Variants in BRAF observed in about 807,000 individuals in gnomAD.
BRAF encodes the protein serine/threonine-protein kinase B-raf.
In BRAF, 16 loss-of-function variants were observed where a neutral mutation model predicts 104.6. The ratio of observed to expected loss-of-function variants is 0.15; its 90% confidence interval spans 0.10 to 0.23. BRAF has a LOEUF of 0.23. BRAF is among the 10% of genes least tolerant of loss of function. The pLI is 1.00. For synonymous variants in BRAF, 310 were observed against 341.6 expected (o/e 0.91, Z 1.02); for missense variants, 541 against 937.3 (o/e 0.58, Z 5.52).
chr7:140,735,684 G>A lies in BRAF; in HGVS notation c.2248-914C>T, dbSNP rs182364126. ...CGATTCTCCTGCCTCAGCCTCCTGA[G>A]TAGCTGGGATTACAGGAGCGCACCA... On this transcript the variant is annotated intron_variant, in intron 18 of 19. Coordinates refer to ENST00000644969, the MANE Select transcript of BRAF (RefSeq NM_001374258.1). Among the ~76,000 whole-genome samples, 240 of 151,848 alleles carry A rather than the reference G, an allele frequency of 1.6e-3. 1 individual carries two copies. Among genetic ancestry groups the A allele is most frequent in the African/African-American group, 5.6e-3 (230 of 41,366 alleles).
At chr7:140,796,726 A>T (rs979943188) in intron 7 of BRAF, among the ~76,000 whole-genome samples, 5 of 152,220 alleles carry the variant, frequency 3.3e-5, no homozygotes, top group Non-Finnish European at 1.5e-5. Context: ...CAGGGCAAGT[A>T]CAAGGGAACA....
At chr7:140,762,438 GA>G (rs937292829) in intron 14 of BRAF, among the ~76,000 whole-genome samples, 16 of 152,212 alleles carry the variant, frequency 1.1e-4, no homozygotes, top group African/African-American at 3.6e-4. Flanking sequence ...GAGAAAGCAG[GA>G]AAGATCCAAA....
chr7:140,734,179 C>G (rs1291134668), intron 19 of BRAF: 2 of 1,085,724 alleles, frequency 1.8e-6, no homozygotes, highest in Non-Finnish European at 2.2e-6. Flanking sequence ...CTTATCTAAC[C>G]CAGGCTAACC....
chr7:140,902,654 C>G (rs573719667), intron 1 of BRAF, among the ~76,000 whole-genome samples: 4 of 152,130 alleles, frequency 2.6e-5, no homozygotes, highest in Non-Finnish European at 5.9e-5. Context: ...CAAAACAGGC[C>G]GGGCACTACG....
intron 1 of BRAF, among the ~76,000 whole-genome samples, chr7:140,879,326 C>A (rs1321786597): frequency 6.6e-6 from 1 of 151,408 alleles, no homozygotes; most frequent in Non-Finnish European, 1.5e-5. Context: ...AGACTACAGG[C>A]GTGCACCACC....
intron 3 of BRAF, among the ~76,000 whole-genome samples, chr7:140,809,268 G>A (rs554031323): frequency 2.6e-5 from 4 of 152,210 alleles, no homozygotes; most frequent in African/African-American, 9.6e-5. Flanking sequence ...AACAGTATCT[G>A]CTACAATATA....
Position 140,722,145 on chromosome 7 carries a change from G to A in BRAF, c.*4349C>T, listed in dbSNP as rs1439387182. The A allele has an allele frequency of 7.5e-6, 8 of 1,066,218 alleles. No homozygotes were observed. The highest frequency in any genetic ancestry group is 3.3e-5 in the African/African-American group (2 of 61,102). The allele number at this position is 1,066,218 out of a possible 1,614,324, so 66.0% of individuals were successfully genotyped here. On this transcript the variant is annotated 3_prime_UTR_variant, in exon 20 of 20. Coordinates refer to ENST00000644969, the MANE Select transcript of BRAF (RefSeq NM_001374258.1). ...GAGTAGAAAAAGTTTCTCTAGAAAT[G>A]TCACTGAACTATATTTGCAACCTAG... is the stretch of plus-strand genomic sequence containing the variant.
intron 1 of BRAF, among the ~76,000 whole-genome samples, chr7:140,879,158 A>G (rs1206261601): frequency 6.6e-6 from 1 of 152,022 alleles, no homozygotes; most frequent in Admixed American, 6.6e-5. Flanking sequence ...GATTACAAGC[A>G]TGAGCCACCA....
intron 5 of BRAF, among the ~76,000 whole-genome samples, chr7:140,805,685 G>A (rs989593217): frequency 6.6e-6 from 1 of 152,070 alleles, no homozygotes; most frequent in African/African-American, 2.4e-5. Context: ...TGCAGAAAAA[G>A]GAGAAGGTTT....
chr7:140,874,589 T>C (rs1280185306), intron 1 of BRAF, among the ~76,000 whole-genome samples: 1 of 151,526 alleles, frequency 6.6e-6, no homozygotes, highest in Non-Finnish European at 1.5e-5. Context: ...GTCTCAGTTT[T>C]TTCCCCTCAC....
At position 140,721,565 on chromosome 7, in the gene BRAF, G is replaced by C; in HGVS notation, c.*4929C>G. 2 of 1,506,964 alleles carry C rather than the reference G, an allele frequency of 1.3e-6. No homozygotes were observed. The highest frequency in any genetic ancestry group is 8.8e-7 in the Non-Finnish European group (1 of 1,133,736). The allele number at this position is 1,506,964 out of a possible 1,614,324, so 93.3% of individuals were successfully genotyped here. ...TAATTTTACCAGAGCTAGCAACATG[G>C]ACCACAGATATACTGGTGACTCCGC... On this transcript the variant is annotated 3_prime_UTR_variant, in exon 20 of 20. Coordinates refer to ENST00000644969, the MANE Select transcript of BRAF (RefSeq NM_001374258.1).
chr7:140,774,767 T>A (rs959718498), intron 14 of BRAF, among the ~76,000 whole-genome samples: 2 of 152,222 alleles, frequency 1.3e-5, no homozygotes, highest in African/African-American at 4.8e-5. Context: ...TCCTCCCACC[T>A]TGGCCTTCCA....
chr7:140,881,185 G>C (rs976223973), intron 1 of BRAF, among the ~76,000 whole-genome samples: 1 of 152,106 alleles, frequency 6.6e-6, no homozygotes, highest in Non-Finnish European at 1.5e-5. Flanking sequence ...CATTTACAGA[G>C]CACAGACAGA....
intron 1 of BRAF, among the ~76,000 whole-genome samples, chr7:140,885,712 T>C: frequency 6.6e-6 from 1 of 152,226 alleles, no homozygotes; most frequent in East Asian, 1.9e-4. Context: ...TAGACATCTG[T>C]TGAATAATAT....
At chr7:140,738,283 T>C (rs1796608441) in intron 18 of BRAF, among the ~76,000 whole-genome samples, 1 of 152,348 alleles carries the variant, frequency 6.6e-6, no homozygotes, top group South Asian at 2.1e-4. Context: ...AAACCATCAA[T>C]TTTATCTTCT....
chr7:140,828,271 T>G (rs1318199330), intron 3 of BRAF, among the ~76,000 whole-genome samples: 1 of 152,218 alleles, frequency 6.6e-6, no homozygotes, highest in African/African-American at 2.4e-5. Flanking sequence ...TTTAAAAATG[T>G]AAAATCCATT....
chr7:140,798,546 C>T (rs1802737516), intron 7 of BRAF, among the ~76,000 whole-genome samples: 1 of 150,350 alleles, frequency 6.7e-6, no homozygotes, highest in African/African-American at 2.4e-5. Context: ...AGGAGTGAGC[C>T]ACCGCGCCCG....
intron 13 of BRAF, among the ~76,000 whole-genome samples, chr7:140,777,305 C>T (rs971745383): frequency 2.6e-5 from 4 of 152,042 alleles, no homozygotes; most frequent in African/African-American, 9.7e-5. Flanking sequence ...ATCTGACAGG[C>T]AACTAGAGGT....
chr7:140,828,356 A>G (rs1436661197), intron 3 of BRAF, among the ~76,000 whole-genome samples: 1 of 152,210 alleles, frequency 6.6e-6, no homozygotes, highest in East Asian at 1.9e-4. Flanking sequence ...ATACCTTAAC[A>G]TATCAGCTCC....
Sources: allele counts gnomAD v4.1 joint callset (sites outside exome capture counted in the v4.1 genomes callset), GRCh38; gene constraint gnomAD v4.1.1; transcripts MANE v1.5; gene names NCBI Gene and HGNC (gene_info 2026-07-23, HGNC 2026-07-21).